DDX55: variants seen among roughly 807,000 people sequenced by gnomAD.
DDX55 encodes the protein DEAD-box helicase 55, also known as ATP-dependent RNA helicase DDX55.
DDX55 carries 56 observed loss-of-function variants against 69.2 expected under a neutral mutation model. The ratio of observed to expected loss-of-function variants is 0.81; its 90% CI spans 0.65 to 1.01. The LOEUF is 1.01. DDX55 is among the 50% of genes least tolerant of loss of function. The probability of loss-of-function intolerance (pLI) is 0.00; values close to 1 mark genes in which losing one functional copy is unlikely to be tolerated. For missense variants in DDX55, 720 were observed against 745.1 expected, an observed-to-expected ratio of 0.97 and a Z score of 0.39; for synonymous variants, 268 against 273.1, an observed-to-expected ratio of 0.98 and a Z score of 0.18.
Position 123,618,573 on chromosome 12 carries a change from A to C in DDX55, c.1165-96A>C, listed in dbSNP as rs558012667. ...TTCAGACCTCAACAGTTGAAAAGGA[A>C]TTGTTTCGCTTTTGTTTTTCTTGGT... On this transcript the variant is annotated intron_variant, in intron 11 of 13. Coordinates refer to ENST00000238146, the MANE Select transcript of DDX55 (RefSeq NM_020936.3). 8 of 1,555,114 alleles carry C rather than the reference A, an allele frequency of 5.1e-6. No individual in the cohort carries two copies. In the East Asian group the frequency reaches 1.8e-4, roughly 35 times the overall value.
At chr12:123,617,538 A>G (rs912312939) in intron 10 of DDX55, among the ~76,000 whole-genome samples, 1 of 152,264 alleles carries the variant, frequency 6.6e-6, no homozygotes, top group Admixed American at 6.5e-5. Flanking sequence ...GTTTTACTTA[A>G]GAGTTCACAT....
rs745561082 is a variant in DDX55 at position 123,619,467 on chromosome 12, C to G, written c.1369C>G (p.Leu457Val). 1 of 1,613,588 alleles carries G rather than the reference C, an allele frequency of 6.2e-7. No homozygotes were observed. The highest frequency in any genetic ancestry group is 1.3e-5 in the African/African-American group (1 of 74,884). The change falls in exon 13 of 14, where the codon CTG becomes GTG. Residue 457 changes from leucine to valine, a missense_variant. Coordinates refer to ENST00000238146, the MANE Select transcript of DDX55 (RefSeq NM_020936.3). ...TGCCAGCCTTGCTCGAGGTTTTGCCCTGCTGAGGATGCCCAAGATGCCAGA... is the reference window on the plus strand; with the variant it reads ...TGCCAGCCTTGCTCGAGGTTTTGCCGTGCTGAGGATGCCCAAGATGCCAGA... ...DFASLARGFA[L>V]LRMPKMPELR...
At position 123,605,964 on chromosome 12, in the gene DDX55, G is replaced by A; in HGVS notation, c.142G>A (p.Asp48Asn). The A allele has an allele frequency of 6.2e-7, 1 of 1,614,178 alleles. No individual in the cohort carries two copies. The highest frequency in any genetic ancestry group is 8.5e-7 in the Non-Finnish European group (1 of 1,180,040). The change falls in exon 2 of 14, where the codon GAT becomes AAT. Residue 48 changes from aspartate (D) to asparagine (N), a missense_variant. Coordinates refer to ENST00000238146, the MANE Select transcript of DDX55 (RefSeq NM_020936.3). ...ATIPLFMRNKDVAAEAVTGSG... is the reference protein window; with the variant it reads ...ATIPLFMRNKNVAAEAVTGSG... ...CATCCCTCTGTTCATGCGAAACAAA[G>A]ATGTCGCTGCAGAAGCGGTGAGTGC...
chr12:123,605,719 C>T (rs915837557), intron 1 of DDX55: 1 of 684,808 alleles, frequency 1.5e-6, no homozygotes, highest in Non-Finnish European at 2.6e-6. Context: ...GGACTCCCAC[C>T]TCCCAGCTCA....
rs754249667 is a variant in DDX55, at chr12:123,620,180, CCCTAA to C, written c.*42_*46del. On this transcript the variant is annotated 3_prime_UTR_variant, in exon 14 of 14. Transcript: ENST00000238146. ...ATGAACCCACAAGGACATAGCTGTT[CCCTAA>C]CTTGGTGGATGGCTCCAGTTTGCTT... 6.4e-7 allele frequency: 1 copy of C among 1,557,134 alleles called. No individual in the cohort carries two copies. The highest frequency in any genetic ancestry group is 8.7e-7 in the Non-Finnish European group (1 of 1,148,652).
intron 6 of DDX55, 61 bp from the exon 7 acceptor site, chr12:123,609,878 A>G: frequency 1.3e-6 from 2 of 1,554,806 alleles, no homozygotes; most frequent in African/African-American, 2.7e-5. Context: ...AGTATCGTGA[A>G]GCACTGTGTG....
At chr12:123,604,461 A>G (rs1024523719) in intron 1 of DDX55, among the ~76,000 whole-genome samples, 6 of 152,190 alleles carry the variant, frequency 3.9e-5, no homozygotes, top group African/African-American at 1.4e-4. Context: ...TATTTCCAGC[A>G]GGCAGGGCTG....
intron 1 of DDX55, 185 bp from the exon 2 acceptor site, chr12:123,605,746 C>T (rs928491590): frequency 1.7e-5 from 13 of 760,862 alleles, no homozygotes; most frequent in Non-Finnish European, 2.7e-5. Context: ...TGTCCCCACA[C>T]GCCGTCCACA....
chr12:123,608,247 G>GT (rs1356158946), intron 5 of DDX55: 4 of 157,426 alleles, frequency 2.5e-5, no homozygotes, highest in Admixed American at 1.7e-4. Context: ...AGTAACTTGC[G>GT]TAAGTCAGAG....
Position 123,606,106 on chromosome 12 carries a change from AT to A in DDX55, c.194del (p.Ile65ThrfsTer8). The A allele has an allele frequency of 1.9e-6, 3 of 1,614,166 alleles. No homozygotes were observed. The highest frequency in any genetic ancestry group is 2.5e-6 in the Non-Finnish European group (3 of 1,180,034). On this transcript the variant is annotated frameshift_variant, in exon 3 of 14. Transcript: ENST00000238146. LOFTEE classifies it high-confidence loss of function. ...TAGTGGCAAAACACTCGCTTTTGTC[AT>A]CCCCATCCTGGAAATTCTTCTGAGA... Reference protein sequence around the residue: ...TGSGKTLAFVIPILEILLRRE... With the variant: ...TGSGKTLAFVXPILEILLRRE...
At chr12:123,613,036 A>C (rs1037709054) in intron 7 of DDX55, 134 bp from the exon 8 acceptor site, 1 of 844,246 alleles carries the variant, frequency 1.2e-6, no homozygotes, top group Non-Finnish European at 1.9e-6. Flanking sequence ...TAGACCAGTT[A>C]ACATTCCGAC....
rs1566211353 is a variant in DDX55 at position 123,620,612 on chromosome 12, AT to A, written c.*473del. 702 of 75,014 alleles carry A rather than the reference AT, an allele frequency of 9.4e-3. 18 individuals are homozygous for A. The highest frequency in any genetic ancestry group is 0.028 in the African/African-American group (625 of 22,014). The allele number at this position is 75,014 out of a possible 1,614,324, so 4.6% of individuals were successfully genotyped here. A position where few individuals can be genotyped will look rare whatever the true frequency, so the allele number is the denominator to read the frequency against. On this transcript the variant is annotated 3_prime_UTR_variant, in exon 14 of 14. Coordinates refer to ENST00000238146, the MANE Select transcript of DDX55 (RefSeq NM_020936.3). ...TATATATATATATATATATATATAT[AT>A]ATATATATATATATAAGCTCTTTTT...
At chr12:123,615,369 G>C in intron 9 of DDX55, 53 bp downstream of exon 9, 1 of 1,600,166 alleles carries the variant, frequency 6.2e-7, no homozygotes, top group East Asian at 2.3e-5. Flanking sequence ...GCTCTTTCAG[G>C]TCCCCAAATG....
chr12:123,610,882 G>A (rs756225891), intron 7 of DDX55, among the ~76,000 whole-genome samples: 8 of 146,162 alleles, frequency 5.5e-5, no homozygotes, highest in East Asian at 3.9e-4. Flanking sequence ...GAGCCACCGC[G>A]CCCGGCCGTT....
At chr12:123,614,728 T>C (rs1335432241) in intron 8 of DDX55, among the ~76,000 whole-genome samples, 2 of 152,210 alleles carry the variant, frequency 1.3e-5, no homozygotes, top group African/African-American at 4.8e-5. Context: ...GGGATCTGAC[T>C]GGCCTAGCTT....
chr12:123,607,215 T>C (rs1953945263), intron 3 of DDX55, among the ~76,000 whole-genome samples: 1 of 152,266 alleles, frequency 6.6e-6, no homozygotes, highest in Admixed American at 6.5e-5. Context: ...ACTAATTCAC[T>C]GTTCTTCATG....
At position 123,615,261 on chromosome 12, in the gene DDX55, G is replaced by C. The variant is rs779612292; in HGVS notation, c.901G>C (p.Gly301Arg). 1.9e-6 allele frequency: 3 copies of C among 1,614,098 alleles called. No individual in the cohort carries two copies. The highest frequency in any genetic ancestry group is 2.5e-6 in the Non-Finnish European group (3 of 1,180,012). The change falls in exon 9 of 14, where the codon GGA (glycine) becomes CGA (arginine). Residue 301 changes from glycine to arginine, a missense_variant. Transcript: ENST00000238146. ...GGGCGTGAAGATTATGTGCATTCAC[G>C]GAAAGATGAAATATAAACGCAATAA... The part of the protein sequence containing the change: ...VKGVKIMCIH[G>R]KMKYKRNKIF...
In DDX55 at chr12:123,620,270, C is replaced by G; in HGVS notation, c.*130C>G. 1 of 859,660 alleles carries G rather than the reference C, an allele frequency of 1.2e-6. No homozygotes were observed. The highest frequency in any genetic ancestry group is 2.3e-5 in the South Asian group (1 of 42,576). 53.3% of individuals were successfully genotyped at this position (859,660 alleles called of 1,614,324 possible). ...AAGAATGATGTCTCTGAAAGCTGTC[C>G]TTTCAGATGAGGGAGAAATGAAGGA... On this transcript the variant is annotated 3_prime_UTR_variant, in exon 14 of 14. Transcript: ENST00000238146.
Position 123,607,519 on chromosome 12 carries a change from T to G in DDX55, c.334T>G (p.Phe112Val). ...LSHFTKHFPEFSQILWIGGRN... is the reference protein window; with the variant it reads ...LSHFTKHFPEVSQILWIGGRN... ...GCATTTCACGAAGCACTTCCCCGAG[T>G]TCAGGTGAATTGGATGCAGTGTCCC... The change falls in exon 4 of 14, where the codon TTC becomes GTC. Residue 112 changes from phenylalanine (F) to valine (V), a missense_variant. Transcript: ENST00000238146. The G allele has an allele frequency of 1.9e-6, 3 of 1,614,122 alleles. No homozygotes were observed. The highest frequency in any genetic ancestry group is 2.5e-6 in the Non-Finnish European group (3 of 1,180,014).
Sources: allele counts gnomAD v4.1 joint callset (sites outside exome capture counted in the v4.1 genomes callset), GRCh38; gene constraint gnomAD v4.1.1; transcripts MANE v1.5; gene names NCBI Gene and HGNC (gene_info 2026-07-23, HGNC 2026-07-21).